The following SPTAN1 variants were observed in gnomAD, a reference collection of about 807,000 sequenced individuals.
The protein encoded by SPTAN1 is spectrin alpha, non-erythrocytic 1.
A neutral mutation model predicts 331.3 loss-of-function variants in SPTAN1; 61 were observed. The ratio of observed to expected loss-of-function variants is 0.18; its 90% CI spans 0.15 to 0.23. The LOEUF (loss-of-function observed/expected upper bound fraction) is 0.23, where lower values mean the gene tolerates loss of function less well. Among genes scored for constraint, SPTAN1 ranks in the 10% least tolerant of loss-of-function variants. The pLI, the probability that SPTAN1 is intolerant of heterozygous loss-of-function variation, is 1.00. For missense variants in SPTAN1, 2,043 were observed against 3,147.9 expected (o/e 0.65, Z 8.40); for synonymous variants, 1,153 against 1,173.9 (o/e 0.98, Z 0.36).
rs745430813 is a variant in SPTAN1, at chr9:128,591,455, G to C, written c.3007-22G>C. On this transcript the variant is annotated intron_variant, in intron 21 of 56. Transcript: ENST00000372739. Reference sequence around the variant, plus strand: ...CTCTCAGAGAAGGAATTTACTTTCAGTTCTCCCTCTTTTTTCCTTAGGATT... The same window carrying C: ...CTCTCAGAGAAGGAATTTACTTTCACTTCTCCCTCTTTTTTCCTTAGGATT... 13 of 1,613,980 alleles carry C rather than the reference G, an allele frequency of 8.1e-6. 1 individual carries two copies. The highest frequency in any genetic ancestry group is 1.1e-5 in the South Asian group (1 of 91,080).
At chr9:128,575,648 C>T (rs1851214863) in intron 5 of SPTAN1, among the ~76,000 whole-genome samples, 2 of 152,176 alleles carry the variant, frequency 1.3e-5, no homozygotes, top group South Asian at 4.1e-4. Context: ...CAGGGTTTCT[C>T]AGACGAGGGT....
rs1049761195 is a variant in SPTAN1 at position 128,617,182 on chromosome 9, T to TA, written c.5358-456dup. Among the ~76,000 whole-genome samples the TA allele has an allele frequency of 1.5e-4, 22 of 150,482 alleles. No individual in the cohort carries two copies. The Admixed American group carries it at 1.5e-3, about 10-fold the overall frequency. Reference sequence around the variant, plus strand: ...TGAACCGGAGTGGCGGAGGTTGCAGTAAGCAGAGATCATGCCATTGCACTT... The same window carrying TA: ...TGAACCGGAGTGGCGGAGGTTGCAGTAAAGCAGAGATCATGCCATTGCACTT... On this transcript the variant is annotated intron_variant, in intron 41 of 56. Coordinates refer to ENST00000372739, the MANE Select transcript of SPTAN1 (RefSeq NM_001130438.3).
At position 128,605,076 on chromosome 9, in the gene SPTAN1, A is replaced by G. The variant is rs533042543; in HGVS notation, c.3762A>G (p.Gln1254=). 7.4e-5 allele frequency: 119 copies of G among 1,614,188 alleles called. No individual in the cohort carries two copies. The South Asian group carries it at 1.2e-3, about 17-fold the overall frequency. Residue 1254 remains glutamine, a synonymous_variant, in exon 30 of 57, where the codon CAA becomes CAG. Coordinates refer to ENST00000372739, the MANE Select transcript of SPTAN1 (RefSeq NM_001130438.3). ...AAGAATGGATTGAAGAGAAGAATCA[A>G]GCTCTAAACACAGACAATTATGGAC... ...ETKEWIEEKN[Q]ALNTDNYGHD... is the part of the protein sequence containing the mutation.
chr9:128,564,450 G>C (rs920044337), intron 1 of SPTAN1, among the ~76,000 whole-genome samples: 1 of 151,800 alleles, frequency 6.6e-6, no homozygotes, highest in Non-Finnish European at 1.5e-5. Flanking sequence ...CAGTCATGGT[G>C]GTGTGCACCC....
rs563357151 is a variant in SPTAN1, at chr9:128,577,784, A to C, written c.1085+278A>C. The stretch of plus-strand genomic sequence containing the variant: ...GTCCCTTTAAGTATCTGAGTATCAC[A>C]TGAAATATCTTATTAAAACCAGGAT... On this transcript the variant is annotated intron_variant, in intron 8 of 56. Transcript: ENST00000372739. The surrounding 1 kb of genome is among the most constrained non-coding windows in gnomAD (Gnocchi z 4.2). Among the ~76,000 whole-genome samples, 7 of 152,354 alleles carry C rather than the reference A, an allele frequency of 4.6e-5. No homozygotes were observed. In the South Asian group the frequency reaches 1.4e-3, roughly 32 times the overall value.
intron 24 of SPTAN1, chr9:128,596,075 C>T (rs1293954305): frequency 6.6e-6 from 1 of 152,286 alleles, no homozygotes; most frequent in Non-Finnish European, 1.5e-5. Context: ...AACTCCTGAG[C>T]TCAGGCCGTC....
intron 43 of SPTAN1, among the ~76,000 whole-genome samples, 197 bp from the exon 44 acceptor site, chr9:128,618,674 G>A (rs1348876595): frequency 2.6e-5 from 4 of 152,100 alleles, no homozygotes; most frequent in Non-Finnish European, 2.9e-5. Flanking sequence ...TAGTAGAGAC[G>A]GGGTTTCACC....
At chr9:128,603,346 C>CT (rs1264405436) in intron 27 of SPTAN1, among the ~76,000 whole-genome samples, 197 bp from the exon 28 acceptor site, 1 of 152,096 alleles carries the variant, frequency 6.6e-6, no homozygotes, top group Non-Finnish European at 1.5e-5. Context: ...TCAGTTGAGT[C>CT]TAATTGTGCA....
intron 23 of SPTAN1, 143 bp downstream of exon 23, chr9:128,593,185 C>A: frequency 1.1e-6 from 1 of 902,296 alleles, no homozygotes; most frequent in Non-Finnish European, 1.8e-6. Context: ...GCAGCTTTGG[C>A]TCACAAGGGA....
intron 39 of SPTAN1, 73 bp from the exon 40 acceptor site, chr9:128,613,308 G>A: frequency 7.8e-7 from 1 of 1,290,026 alleles, no homozygotes; most frequent in East Asian, 2.3e-5. Context: ...ATAGCCACTG[G>A]GCAACCTGAA....
At chr9:128,593,313 C>A in intron 23 of SPTAN1, 1 of 527,580 alleles carries the variant, frequency 1.9e-6, no homozygotes, top group Non-Finnish European at 3.5e-6. Flanking sequence ...TGTGGTGGAC[C>A]AGCCACTATC....
intron 22 of SPTAN1, among the ~76,000 whole-genome samples, chr9:128,592,330 A>G (rs1853645994): frequency 6.7e-6 from 1 of 149,692 alleles, no homozygotes; most frequent in South Asian, 2.1e-4. Flanking sequence ...ACTGGAGTGC[A>G]GTGGTGTGAT....
chr9:128,611,647 C>T, intron 37 of SPTAN1, 67 bp from the exon 38 acceptor site: 5 of 1,596,368 alleles, frequency 3.1e-6, no homozygotes, highest in Non-Finnish European at 4.3e-6. Context: ...CTCTGAGAAC[C>T]CCTTCCCCCT....
In SPTAN1 at chr9:128,629,937, GGTCTCCT is replaced by G; in HGVS notation, c.6708-379_6708-373del. The G allele has an allele frequency of 2.7e-6, 1 of 369,664 alleles. No individual in the cohort carries two copies. The highest frequency in any genetic ancestry group is 2.1e-5 in the South Asian group (1 of 48,022). The allele number at this position is 369,664 out of a possible 1,614,324, so 22.9% of individuals were successfully genotyped here. On this transcript the variant is annotated intron_variant, in intron 51 of 56. Transcript: ENST00000372739. This position sits in a 1 kb window ranked among gnomAD's most constrained non-coding sequence, Gnocchi z 4.9. ...GTTCTCAGCCTCCCCTCTGCCCTGAGGTCTCCTGTCTGTCAGGTGTCAGGGTGTGCCA... is the reference window on the plus strand; with the variant it reads ...GTTCTCAGCCTCCCCTCTGCCCTGAGGTCTGTCAGGTGTCAGGGTGTGCCA...
At chr9:128,615,131 T>G (rs1255642918) in intron 40 of SPTAN1, among the ~76,000 whole-genome samples, 1 of 152,234 alleles carries the variant, frequency 6.6e-6, no homozygotes, top group Non-Finnish European at 1.5e-5. Context: ...AGTAACAAAC[T>G]GTCAGTATTC....
Position 128,568,764 on chromosome 9 carries a change from G to A in SPTAN1, c.238-8G>A, listed in dbSNP as rs750970258. ...GCGTCTGAGGCTCACTTCAAGGTCC[G>A]CCAACAGGGAAAGCTTCAGAAGCAT... On this transcript the variant is annotated splice_region_variant and splice_polypyrimidine_tract_variant and intron_variant, in intron 2 of 56. Transcript: ENST00000372739. 9.9e-6 allele frequency: 16 copies of A among 1,613,674 alleles called. No homozygotes were observed. Among genetic ancestry groups the A allele is most frequent in the Admixed American group, 3.3e-5 (2 of 59,968 alleles).
At chr9:128,600,006 A>G (rs1212979638) in intron 26 of SPTAN1, 74 bp from the exon 27 acceptor site, 1 of 1,500,290 alleles carries the variant, frequency 6.7e-7, no homozygotes, top group Admixed American at 1.7e-5. Context: ...AACTAGAGTC[A>G]TTCGCTGGAA....
chr9:128,601,764 G>A (rs1190110163), intron 27 of SPTAN1, among the ~76,000 whole-genome samples: 3 of 152,214 alleles, frequency 2.0e-5, no homozygotes, highest in East Asian at 1.9e-4. Context: ...CTTTGAACCC[G>A]CTCAGTCACC....
chr9:128,592,231 G>A (rs2131330361), intron 22 of SPTAN1, among the ~76,000 whole-genome samples: 1 of 151,864 alleles, frequency 6.6e-6, no homozygotes, highest in East Asian at 1.9e-4. Context: ...CCACTTTATA[G>A]ATTCTGTTAC....
Sources: gnomAD v4.1 joint callset for allele counts (sites outside exome capture counted in the v4.1 genomes callset) on GRCh38, gnomAD v4.1.1 for gene constraint, Gnocchi (gnomAD v3.1) non-coding constraint, MANE v1.5 for transcripts, NCBI Gene and HGNC (gene_info 2026-07-23, HGNC 2026-07-21) for gene names.